TERT: variants seen among roughly 807,000 people sequenced by gnomAD.
The protein encoded by TERT is telomerase catalytic subunit.
Under a neutral mutation model 104.0 loss-of-function variants are expected in TERT, and 42 were observed. The observed-to-expected ratio is 0.40, with a 90% CI of 0.32 to 0.52. TERT has a LOEUF of 0.52. Among genes scored for constraint, TERT ranks in the 20% least tolerant of loss-of-function variants. The pLI is 0.43. For synonymous variants in TERT, 781 were observed against 725.6 expected, an observed-to-expected ratio of 1.08 and a Z score of -1.23; for missense variants, 1,101 against 1,610.3, an observed-to-expected ratio of 0.68 and a Z score of 5.41.
chr5:1,280,378 C>G (rs754330994), intron 3 of TERT, 40 bp from the exon 4 acceptor site: 1 of 1,602,076 alleles, frequency 6.2e-7, no homozygotes. Flanking sequence ...CTCAGCCAGA[C>G]AACAGACTAG....
Position 1,288,319 on chromosome 5 carries a change from GA to G in TERT, c.1573+4993del, listed in dbSNP as rs1409053869. Reference sequence around the variant, plus strand: ...AAGGCATGACTAAACTAAGAAGCTAGAAAAGGAATGAAAGAATAAACCAAGA... The same window carrying G: ...AAGGCATGACTAAACTAAGAAGCTAGAAAGGAATGAAAGAATAAACCAAGA... On this transcript the variant is annotated intron_variant, in intron 2 of 15. Transcript: ENST00000310581. The surrounding 1 kb of genome is among the most constrained non-coding windows in gnomAD (Gnocchi z 5.3). Among the ~76,000 whole-genome samples, 4 of 152,208 alleles carry G rather than the reference GA, an allele frequency of 2.6e-5. No individual in the cohort carries two copies. The highest frequency in any genetic ancestry group is 5.9e-5 in the Non-Finnish European group (4 of 68,030).
intron 4 of TERT, 79 bp from the exon 5 acceptor site, chr5:1,279,549 A>G: frequency 7.0e-7 from 1 of 1,419,256 alleles, no homozygotes; most frequent in Non-Finnish European, 9.7e-7. Context: ...CCCAGGGGAG[A>G]AGCAGCCCCT....
In TERT at chr5:1,258,624, G is replaced by A. The variant is rs760659103; in HGVS notation, c.3006C>T (p.Tyr1002=). ...NSLQTVCTNI[Y]KILLLQAYRF... is the part of the protein sequence containing the mutation. ...TGTACGCCTGCAGCAGGAGGATCTT[G>A]TAGATGTTGGTGCACACCGTCTGGA... The change falls in exon 13 of 16, where the codon TAC becomes TAT. Residue 1002 remains tyrosine (Y), a synonymous_variant. Transcript: ENST00000310581. The A allele has an allele frequency of 3.2e-6, 5 of 1,571,768 alleles. No homozygotes were observed. Among genetic ancestry groups the A allele is most frequent in the African/African-American group, 1.3e-5 (1 of 74,322 alleles).
intron 12 of TERT, among the ~76,000 whole-genome samples, chr5:1,259,924 TGCCCACAGGAGAGGGGGTGTGGAC>T (rs1215770985): frequency 1.5e-5 from 2 of 133,106 alleles, no homozygotes; most frequent in East Asian, 2.3e-4. Flanking sequence ...TGGATGCGGA[TGCCCACAGGAGAGGGGGTGTGGAC>T]GCCCACAGGA....
chr5:1,277,988 G>A (rs1028062967), intron 6 of TERT, among the ~76,000 whole-genome samples: 4 of 152,220 alleles, frequency 2.6e-5, no homozygotes, highest in Admixed American at 6.5e-5. Flanking sequence ...GCTCTGGGAG[G>A]AGTGTGTCCC....
intron 4 of TERT, 114 bp downstream of exon 4, chr5:1,280,044 G>T: frequency 1.4e-6 from 2 of 1,380,952 alleles, no homozygotes; most frequent in Non-Finnish European, 2.1e-6. Context: ...GCCGTGCCAT[G>T]GCCCTGGCTG....
intron 2 of TERT, among the ~76,000 whole-genome samples, chr5:1,289,666 G>A (rs1190435818): frequency 3.9e-5 from 4 of 102,474 alleles, no homozygotes; most frequent in Non-Finnish European, 7.8e-5. Context: ...AGGGACACCC[G>A]GGGGCCTCGC....
intron 3 of TERT, among the ~76,000 whole-genome samples, chr5:1,281,191 C>A (rs1297879859): frequency 1.3e-5 from 2 of 152,260 alleles, no homozygotes; most frequent in Admixed American, 1.3e-4. Context: ...TTGGGTCGCA[C>A]ACCATTAAAT....
chr5:1,264,311 T>A, intron 11 of TERT, 93 bp downstream of exon 11: 1 of 1,385,796 alleles, frequency 7.2e-7, no homozygotes, highest in Non-Finnish European at 9.9e-7. Flanking sequence ...GGCAGTCGCC[T>A]GCCCCACACG....
chr5:1,266,547 G>T lies in TERT; in HGVS notation c.2583-12C>A. 1 of 1,601,348 alleles carries T rather than the reference G, an allele frequency of 6.2e-7. No individual in the cohort carries two copies. The highest frequency in any genetic ancestry group is 8.5e-7 in the Non-Finnish European group (1 of 1,172,872). On this transcript the variant is annotated splice_polypyrimidine_tract_variant and intron_variant, in intron 9 of 15. Transcript: ENST00000310581. The stretch of plus-strand genomic sequence containing the variant: ...AACGCAGGAGCAGCCTAAAATAAGG[G>T]AAAATACACAGCAAGGTTAACTTTA...
At chr5:1,259,842 ACAG>A (rs1748089478) in intron 12 of TERT, among the ~76,000 whole-genome samples, 1 of 141,354 alleles carries the variant, frequency 7.1e-6, no homozygotes, top group Non-Finnish European at 1.5e-5. Flanking sequence ...GCGGACGCCC[ACAG>A]GAGGGGGGAG....
chr5:1,278,876 G>A, intron 5 of TERT, 80 bp from the exon 6 acceptor site: 2 of 1,589,942 alleles, frequency 1.3e-6, no homozygotes, highest in South Asian at 2.2e-5. Context: ...GCCTGGCCTG[G>A]CGGTGTCCCC....
intron 2 of TERT, among the ~76,000 whole-genome samples, chr5:1,283,536 C>A (rs1366240800): frequency 6.6e-6 from 1 of 150,802 alleles, no homozygotes; most frequent in Non-Finnish European, 1.5e-5. Context: ...GGCGACCTCA[C>A]CCCGGACCTG....
chr5:1,293,699 A>G lies in TERT; in HGVS notation c.1187T>C (p.Leu396Pro). The change falls in exon 2 of 16, where the codon CTG (leucine) becomes CCG (proline). Residue 396 changes from leucine (L) to proline (P), a missense_variant. Physicochemically the swap from Leu to Pro is moderately conservative, Grantham distance 98. Around this residue, in one of 5 missense-constraint regions of TERT, gnomAD observed 504 missense variants for 544.6 expected, o/e 0.93. Transcript: ENST00000310581. ...GGGGCACTGCGCGTGGTTCCCAAGC[A>G]GCTCCAGAAACAGGGGCCGCATTTG... Reference protein sequence around the residue: ...YWQMRPLFLELLGNHAQCPYG... With the variant: ...YWQMRPLFLEPLGNHAQCPYG... 6.3e-7 allele frequency: 1 copy of G among 1,575,020 alleles called. No homozygotes were observed. The highest frequency in any genetic ancestry group is 8.6e-7 in the Non-Finnish European group (1 of 1,160,988).
In TERT at chr5:1,274,258, A is replaced by G. The variant is rs1349070904; in HGVS notation, c.2287-1978T>C. Among the ~76,000 whole-genome samples the G allele has an allele frequency of 6.6e-6, 1 of 152,222 alleles. No individual in the cohort carries two copies. Among genetic ancestry groups the G allele is most frequent in the African/African-American group, 2.4e-5 (1 of 41,466 alleles). On this transcript the variant is annotated intron_variant, in intron 6 of 15. Transcript: ENST00000310581. This position sits in a 1 kb window ranked among gnomAD's most constrained non-coding sequence, Gnocchi z 5.3. The stretch of plus-strand genomic sequence containing the variant: ...CTGGAAGGCAGTAACAGGAAGGTAC[A>G]TGGGGCCTGCACCCTTCCCAACCCA...
rs532914935 is a variant in TERT at position 1,287,366 on chromosome 5, G to A, written c.1574-4742C>T. ...AATTTAAAAATTAGCCAGGTGTAGC[G>A]GTGCGTGTCTGCAGTTCCAGCTATT... On this transcript the variant is annotated intron_variant, in intron 2 of 15. Coordinates refer to ENST00000310581, the MANE Select transcript of TERT (RefSeq NM_198253.3). This position sits in a 1 kb window ranked among gnomAD's most constrained non-coding sequence, Gnocchi z 4.3. Among the ~76,000 whole-genome samples the A allele has an allele frequency of 8.6e-5, 13 of 151,828 alleles. No individual in the cohort carries two copies. Among genetic ancestry groups the A allele is most frequent in the East Asian group, 5.8e-4 (3 of 5,168 alleles).
At position 1,260,536 on chromosome 5, in the gene TERT, T is replaced by G. The variant is rs762647113; in HGVS notation, c.2908A>C (p.Met970Leu). The change falls in exon 12 of 16, where the codon ATG (methionine) becomes CTG (leucine). Residue 970 changes from methionine to leucine, a missense_variant. Met to Leu is a conservative substitution (Grantham distance 15). Transcript: ENST00000310581. ...FNRGFKAGRN[M>L]RRKLFGVLRL... ...AAGACCCCAAAGAGTTTGCGACGCATGTTCCTCCCAGCCTTGAAGCCGCGG... is the reference window on the plus strand; with the variant it reads ...AAGACCCCAAAGAGTTTGCGACGCAGGTTCCTCCCAGCCTTGAAGCCGCGG... 14 of 1,614,184 alleles carry G rather than the reference T, an allele frequency of 8.7e-6. No homozygotes were observed. In the South Asian group the frequency reaches 1.5e-4, roughly 18 times the overall value.
In TERT at chr5:1,266,505, C is replaced by T; in HGVS notation, c.2613G>A (p.Leu871=). The T allele has an allele frequency of 6.2e-7, 1 of 1,610,636 alleles. No homozygotes were observed. Among genetic ancestry groups the T allele is most frequent in the Non-Finnish European group, 8.5e-7 (1 of 1,178,480 alleles). The stretch of plus-strand genomic sequence containing the variant: ...CGTGGGTGAGGTGAGGTGTCACCAA[C>T]AAGAAATCATCCACCAAACGCAGGA... ...GLLLRLVDDF[L]LVTPHLTHAK... Residue 871 remains leucine, a synonymous_variant, in exon 10 of 16, where the codon TTG becomes TTA. Coordinates refer to ENST00000310581, the MANE Select transcript of TERT (RefSeq NM_198253.3).
chr5:1,266,366 A>T, intron 10 of TERT, 98 bp downstream of exon 10: 1 of 1,094,566 alleles, frequency 9.1e-7, no homozygotes, highest in Non-Finnish European at 1.4e-6. Context: ...AGGACTTGGC[A>T]GAGACAACGC....
Sources: gnomAD v4.1 joint callset for allele counts (sites outside exome capture counted in the v4.1 genomes callset) on GRCh38, gnomAD v4.1.1 for gene constraint, gnomAD v4.1.1 regional missense constraint, Gnocchi (gnomAD v3.1) non-coding constraint, MANE v1.5 for transcripts, NCBI Gene and HGNC (gene_info 2026-07-23, HGNC 2026-07-21) for gene names.